The following SSH2 variants were observed in gnomAD, a reference collection of about 807,000 sequenced individuals.
The protein encoded by SSH2 is slingshot protein phosphatase 2, also known as protein phosphatase Slingshot homolog 2.
A neutral mutation model predicts 135.2 loss-of-function variants in SSH2; 37 were observed. The ratio of observed to expected loss-of-function variants is 0.27; its 90% CI spans 0.21 to 0.36. SSH2 has a LOEUF of 0.36. Ranked by LOEUF, SSH2 falls within the 10% of genes least tolerant of loss-of-function variation. The pLI, the probability that SSH2 is intolerant of heterozygous loss-of-function variation, is 1.00. For synonymous variants in SSH2, 628 were observed against 646.2 expected (o/e 0.97, Z 0.43); for missense variants, 1,408 against 1,765.3 (o/e 0.80, Z 3.63).
intron 1 of SSH2, among the ~76,000 whole-genome samples, chr17:29,906,139 C>A (rs2066649614): frequency 6.6e-6 from 1 of 152,192 alleles, no homozygotes; most frequent in South Asian, 2.1e-4. Context: ...CTACCTCATT[C>A]TTCCTGGATG....
chr17:29,922,087 G>A (rs1000588662), intron 1 of SSH2, among the ~76,000 whole-genome samples: 13 of 152,196 alleles, frequency 8.5e-5, no homozygotes, highest in Admixed American at 5.9e-4. Context: ...CCTGAAGGAT[G>A]AGTAGGAAAT....
intron 3 of SSH2, among the ~76,000 whole-genome samples, chr17:29,783,318 T>A (rs1167687436): frequency 7.0e-6 from 1 of 142,126 alleles, no homozygotes; most frequent in Non-Finnish European, 1.5e-5. Flanking sequence ...ATAACATATA[T>A]TATATATATA....
intron 3 of SSH2, among the ~76,000 whole-genome samples, chr17:29,744,327 T>C (rs529517917): frequency 8.1e-4 from 123 of 152,304 alleles, no homozygotes; most frequent in African/African-American, 2.8e-3. Context: ...GGGGTCCCTC[T>C]CTGGCAGGGC....
intron 1 of SSH2, among the ~76,000 whole-genome samples, chr17:29,901,430 A>G (rs1195690779): frequency 6.6e-6 from 1 of 152,216 alleles, no homozygotes; most frequent in African/African-American, 2.4e-5. Context: ...GCCTCACAGT[A>G]TAACAGGATG....
intron 2 of SSH2, among the ~76,000 whole-genome samples, chr17:29,803,657 G>C (rs1465314735): frequency 6.6e-6 from 1 of 152,152 alleles, no homozygotes; most frequent in East Asian, 1.9e-4. Flanking sequence ...AGAATTTGCA[G>C]CCATCTTTCG....
intron 3 of SSH2, among the ~76,000 whole-genome samples, chr17:29,774,426 G>A (rs1469897942): frequency 6.6e-6 from 1 of 152,058 alleles, no homozygotes; most frequent in East Asian, 1.9e-4. Flanking sequence ...CACCATGCCT[G>A]GCTAATTTTG....
intron 3 of SSH2, among the ~76,000 whole-genome samples, chr17:29,749,478 A>T (rs2040862619): frequency 6.6e-6 from 1 of 152,198 alleles, no homozygotes; most frequent in Non-Finnish European, 1.5e-5. Context: ...ACATAATGTT[A>T]AGTATTTGTA....
intron 1 of SSH2, among the ~76,000 whole-genome samples, chr17:29,892,831 T>C (rs1031660325): frequency 2.0e-5 from 3 of 151,776 alleles, no homozygotes; most frequent in Admixed American, 6.6e-5. Context: ...CATTCCCTCT[T>C]CCCTACCCTC....
At chr17:29,675,195 G>C (rs1666638265) in intron 8 of SSH2, among the ~76,000 whole-genome samples, 1 of 152,130 alleles carries the variant, frequency 6.6e-6, no homozygotes, top group South Asian at 2.1e-4. Flanking sequence ...ACCTGAAACT[G>C]TCCTATCTCA....
intron 3 of SSH2, among the ~76,000 whole-genome samples, chr17:29,756,505 T>C (rs894230248): frequency 2.3e-5 from 3 of 130,874 alleles, no homozygotes; most frequent in Non-Finnish European, 3.2e-5. Context: ...CTCTCTCTTA[T>C]CTATTTATTA....
chr17:29,683,714 C>T (rs1046254083), intron 6 of SSH2, among the ~76,000 whole-genome samples: 6 of 151,346 alleles, frequency 4.0e-5, no homozygotes, highest in Non-Finnish European at 8.8e-5. Context: ...ATTGCTTAAG[C>T]CCAAGAATTC....
At chr17:29,675,794 C>T (rs2037687417) in intron 8 of SSH2, 1 of 151,610 alleles carries the variant, frequency 6.6e-6, no homozygotes, top group Non-Finnish European at 1.5e-5. Context: ...GAGGGAGACC[C>T]TGTCTCTTTA....
chr17:29,858,367 G>A (rs1315960945), intron 1 of SSH2, among the ~76,000 whole-genome samples: 1 of 152,172 alleles, frequency 6.6e-6, no homozygotes, highest in Non-Finnish European at 1.5e-5. Flanking sequence ...TCCTTCTGCA[G>A]GATCTAGGGG....
intron 1 of SSH2, among the ~76,000 whole-genome samples, chr17:29,875,932 T>C (rs1258037728): frequency 6.9e-6 from 1 of 145,088 alleles, no homozygotes; most frequent in Non-Finnish European, 1.5e-5. Flanking sequence ...TTTGTACACA[T>C]GCTTATAATG....
At position 29,631,865 on chromosome 17, in the gene SSH2, G is replaced by C. The variant is rs1431741903; in HGVS notation, c.3329C>G (p.Ser1110Cys). Residue 1110 changes from serine (S) to cysteine (C), a missense_variant, in exon 16 of 16, where the codon TCC (serine) becomes TGC (cysteine). This residue lies in a region of SSH2 where 1,080 missense variants were observed against 1,144.5 expected (regional missense o/e 0.94). Transcript: ENST00000540801. The part of the protein sequence containing the change: ...PQVLPLPHSS[S>C]PEHNRPTDHP... ...GTCAGTGGGTCTGTTGTGCTCAGGG[G>C]AGGAAGAATGAGGCAGAGGTAGCAC... 15 of 1,614,250 alleles carry C rather than the reference G, an allele frequency of 9.3e-6. No homozygotes were observed. The highest frequency in any genetic ancestry group is 1.3e-5 in the Non-Finnish European group (15 of 1,180,036).
chr17:29,921,993 G>A (rs2066984712), intron 1 of SSH2, among the ~76,000 whole-genome samples: 1 of 152,178 alleles, frequency 6.6e-6, no homozygotes, highest in South Asian at 2.1e-4. Flanking sequence ...AGGGTGCTAT[G>A]CTGTGCGTAG....
intron 3 of SSH2, among the ~76,000 whole-genome samples, chr17:29,728,104 A>G (rs2040060838): frequency 6.6e-6 from 1 of 152,324 alleles, no homozygotes; most frequent in East Asian, 1.9e-4. Flanking sequence ...CTGGGATTAC[A>G]GGAATGAGCC....
chr17:29,894,493 C>G (rs565956133), intron 1 of SSH2, among the ~76,000 whole-genome samples: 1 of 152,200 alleles, frequency 6.6e-6, no homozygotes, highest in African/African-American at 2.4e-5. Flanking sequence ...TAAATCATCT[C>G]TAGATTACTT....
intron 1 of SSH2, among the ~76,000 whole-genome samples, chr17:29,908,421 T>A (rs143882616): frequency 1.3e-5 from 2 of 152,230 alleles, no homozygotes; most frequent in East Asian, 3.9e-4. Context: ...GCCATGATTG[T>A]GCCATTGCAC....
Sources: gnomAD v4.1 joint callset for allele counts (sites outside exome capture counted in the v4.1 genomes callset) on GRCh38, gnomAD v4.1.1 for gene constraint, gnomAD v4.1.1 regional missense constraint, MANE v1.5 for transcripts, NCBI Gene and HGNC (gene_info 2026-07-23, HGNC 2026-07-21) for gene names.